Variants in BRWD1 observed in about 807,000 individuals in gnomAD.
BRWD1 encodes bromodomain and WD repeat-containing protein 1.
Under a neutral mutation model 251.2 loss-of-function variants are expected in BRWD1, and 82 were observed. The ratio of observed to expected loss-of-function variants is 0.33; its 90% CI spans 0.27 to 0.39. The LOEUF (loss-of-function observed/expected upper bound fraction) is 0.39. Among genes scored for constraint, BRWD1 ranks in the 10% least tolerant of loss-of-function variants. BRWD1 has a pLI of 1.00. For missense variants in BRWD1, 2,233 were observed against 2,711.6 expected, an observed-to-expected ratio of 0.82 and a Z score of 3.92; for synonymous variants, 918 against 902.8, an observed-to-expected ratio of 1.02 and a Z score of -0.30.
chr21:39,318,656 C>T (rs143524822), upstream of BRWD1, among the ~76,000 whole-genome samples: 13 of 152,042 alleles, frequency 8.6e-5, no homozygotes, highest in African/African-American at 2.4e-4. Context: ...TGTTTTTTTC[C>T]GCTTTAGAGA....
chr21:39,221,422 G>T (rs1298415433), intron 29 of BRWD1, among the ~76,000 whole-genome samples: 1 of 151,868 alleles, frequency 6.6e-6, no homozygotes, highest in Non-Finnish European at 1.5e-5. Context: ...AAACTAAAAA[G>T]ATGCATATGT....
intron 31 of BRWD1, among the ~76,000 whole-genome samples, chr21:39,215,905 T>G (rs2032869185): frequency 6.6e-6 from 1 of 151,878 alleles, no homozygotes; most frequent in Non-Finnish European, 1.5e-5. Flanking sequence ...GAGGCTGAGG[T>G]GGGAGGATTG....
chr21:39,189,338 T>C lies in BRWD1; in HGVS notation c.*6921A>G, dbSNP rs558433543. On this transcript the variant is annotated 3_prime_UTR_variant, in exon 41 of 41. Transcript: ENST00000342449. ...ATTTCAACTACAATTTGTAACAAAA[T>C]GCTTTAAGTTGCAGAAATTCCATTT... The C allele has an allele frequency of 1.9e-5, 19 of 985,294 alleles. No homozygotes were observed. In the South Asian group the frequency reaches 7.0e-4, roughly 37 times the overall value. 61.0% of individuals were successfully genotyped at this position (985,294 alleles called of 1,614,324 possible). A position where few individuals can be genotyped will look rare whatever the true frequency, so the allele number is the denominator to read the frequency against.
intron 26 of BRWD1, 42 bp from the exon 27 acceptor site, chr21:39,228,624 A>G: frequency 8.8e-7 from 1 of 1,138,994 alleles, no homozygotes; most frequent in Non-Finnish European, 1.3e-6. Flanking sequence ...TCTACATAGC[A>G]GGTTATATAG....
intron 23 of BRWD1, 28 bp downstream of exon 23, chr21:39,236,567 G>A: frequency 6.6e-7 from 1 of 1,511,412 alleles, no homozygotes; most frequent in South Asian, 1.2e-5. Flanking sequence ...CATGATACAT[G>A]CTATTTTTAA....
At chr21:39,311,272 A>T (rs2036474955) in intron 4 of BRWD1, among the ~76,000 whole-genome samples, 1 of 152,020 alleles carries the variant, frequency 6.6e-6, no homozygotes, top group Non-Finnish European at 1.5e-5. Flanking sequence ...GAGTCAAGTG[A>T]TCCTTCCGCC....
Position 39,194,677 on chromosome 21 carries a change from T to C in BRWD1, c.*1582A>G, listed in dbSNP as rs1398555337. 6.5e-7 allele frequency: 1 copy of C among 1,534,484 alleles called. No homozygotes were observed. The highest frequency in any genetic ancestry group is 8.7e-7 in the Non-Finnish European group (1 of 1,145,666). ...TACAAAATAGGAACACTTCAGAACA[T>C]TCTCTAACATTAATACCAGTCTGAT... is the stretch of plus-strand genomic sequence containing the variant. On this transcript the variant is annotated 3_prime_UTR_variant, in exon 41 of 41. Transcript: ENST00000342449.
At chr21:39,311,321 C>A (rs531791591) in intron 4 of BRWD1, among the ~76,000 whole-genome samples, 2 of 152,126 alleles carry the variant, frequency 1.3e-5, no homozygotes, top group East Asian at 3.9e-4. Context: ...GCACGCACCA[C>A]CACAGCCGCC....
At chr21:39,260,844 C>T (rs141521952) in intron 17 of BRWD1, among the ~76,000 whole-genome samples, 3 of 152,262 alleles carry the variant, frequency 2.0e-5, no homozygotes, top group African/African-American at 4.8e-5. Context: ...TGTTAAAATA[C>T]GCAGGACTGA....
At chr21:39,320,420 G>T (rs564733116) in intron 1 of BRWD1, among the ~76,000 whole-genome samples, 1 of 151,878 alleles carries the variant, frequency 6.6e-6, no homozygotes, top group African/African-American at 2.4e-5. Context: ...CTGCAGCCTC[G>T]ATCTTTCAGG....
At position 39,200,326 on chromosome 21, in the gene BRWD1, T is replaced by C; in HGVS notation, c.4646A>G (p.Glu1549Gly). Reference sequence around the variant, plus strand: ...AGCTCTGGAACTCTCTTTGCTTTCCTCAGAACTACTGGAAGCTGACGATGA... The same window carrying C: ...AGCTCTGGAACTCTCTTTGCTTTCCCCAGAACTACTGGAAGCTGACGATGA... ...SLSSSASSSS[E>G]ESKESSRARE... Residue 1549 changes from glutamate to glycine, a missense_variant, in exon 39 of 41, where the codon GAG becomes GGG. Physicochemically the swap from Glu to Gly is moderately conservative, Grantham distance 98 (BLOSUM62 -2). Coordinates refer to ENST00000342449, the MANE Select transcript of BRWD1 (RefSeq NM_033656.4). 1 of 1,614,160 alleles carries C rather than the reference T, an allele frequency of 6.2e-7. No individual in the cohort carries two copies. Among genetic ancestry groups the C allele is most frequent in the Admixed American group, 1.7e-5 (1 of 60,018 alleles).
At chr21:39,313,349 G>T (rs750408907) in intron 1 of BRWD1, 50 bp from the exon 2 acceptor site, 1 of 1,496,216 alleles carries the variant, frequency 6.7e-7, no homozygotes, top group South Asian at 1.2e-5. Flanking sequence ...AGGGGAGGGG[G>T]ACGGGGCCAG....
upstream of BRWD1, among the ~76,000 whole-genome samples, chr21:39,318,767 C>T (rs182403796): frequency 2.0e-5 from 3 of 152,182 alleles, no homozygotes; most frequent in Admixed American, 6.6e-5. Context: ...TACAGGTGTG[C>T]ACCACCATGC....
intron 27 of BRWD1, 151 bp downstream of exon 27, chr21:39,228,349 G>T: frequency 1.7e-6 from 1 of 582,698 alleles, no homozygotes. Context: ...GTACCAAGCC[G>T]TAAGCAAAAT....
At chr21:39,312,785 C>G in intron 4 of BRWD1, 56 bp downstream of exon 4, 3 of 1,439,924 alleles carry the variant, frequency 2.1e-6, no homozygotes, top group Non-Finnish European at 2.9e-6. Flanking sequence ...GGGGAAGGGG[C>G]GGGGGCGGGG....
chr21:39,186,755 T>C lies in BRWD1; in HGVS notation c.*9504A>G, dbSNP rs1031591774. 3.4e-6 allele frequency: 1 copy of C among 293,954 alleles called. No individual in the cohort carries two copies. The highest frequency in any genetic ancestry group is 6.1e-6 in the Non-Finnish European group (1 of 163,936). The allele number at this position is 293,954 out of a possible 1,614,324, so 18.2% of individuals were successfully genotyped here. A position where few individuals can be genotyped will look rare whatever the true frequency, so the allele number is the denominator to read the frequency against. ...ATCATGTCTTCAAGGCCTTGCATTCTGGAAAGGAATAGTAGTCTTATAGCA... is the reference window on the plus strand; with the variant it reads ...ATCATGTCTTCAAGGCCTTGCATTCCGGAAAGGAATAGTAGTCTTATAGCA... On this transcript the variant is annotated 3_prime_UTR_variant, in exon 41 of 41. Coordinates refer to ENST00000342449, the MANE Select transcript of BRWD1 (RefSeq NM_033656.4).
chr21:39,311,544 C>T (rs1208805597), intron 4 of BRWD1, among the ~76,000 whole-genome samples: 1 of 152,168 alleles, frequency 6.6e-6, no homozygotes, highest in East Asian at 1.9e-4. Context: ...ACGACAACAG[C>T]GTCATAACCA....
chr21:39,223,095 A>C (rs2033243561), intron 29 of BRWD1, among the ~76,000 whole-genome samples: 1 of 152,318 alleles, frequency 6.6e-6, no homozygotes, highest in East Asian at 1.9e-4. Context: ...GACTAAGATG[A>C]CATGACAAAT....
rs775695053 is a variant in BRWD1 at position 39,195,018 on chromosome 21, C to A, written c.*1241G>T. The A allele has an allele frequency of 1.2e-5, 16 of 1,379,112 alleles. No homozygotes were observed. The highest frequency in any genetic ancestry group is 1.5e-5 in the African/African-American group (1 of 68,118). 85.4% of individuals were successfully genotyped at this position (1,379,112 alleles called of 1,614,324 possible). ...GGCCATCTACACTGGAGTAGCATAACCTATCAAGTATTTGGTTAGAAAATA... is the reference window on the plus strand; with the variant it reads ...GGCCATCTACACTGGAGTAGCATAAACTATCAAGTATTTGGTTAGAAAATA... On this transcript the variant is annotated 3_prime_UTR_variant, in exon 41 of 41. Transcript: ENST00000342449.
Sources: gnomAD v4.1 joint callset for allele counts (sites outside exome capture counted in the v4.1 genomes callset) on GRCh38, gnomAD v4.1.1 for gene constraint, MANE v1.5 for transcripts, NCBI Gene and HGNC (gene_info 2026-07-23, HGNC 2026-07-21) for gene names.